CUBN: variants seen among roughly 807,000 people sequenced by gnomAD.
The protein encoded by CUBN is cubilin.
A neutral mutation model predicts 405.3 loss-of-function variants in CUBN; 282 were observed. The observed-to-expected ratio is 0.70, with a 90% CI of 0.63 to 0.77. The LOEUF is 0.77. Among genes scored for constraint, CUBN ranks in the 30% least tolerant of loss-of-function variants. CUBN has a pLI of 0.00. For missense variants in CUBN, 4,514 were observed against 4,475.2 expected (o/e 1.01, Z -0.25); for synonymous variants, 1,684 against 1,617.0 (o/e 1.04, Z -0.99).
chr10:17,087,399 C>G (rs1836136061), intron 15 of CUBN, among the ~76,000 whole-genome samples: 1 of 151,060 alleles, frequency 6.6e-6, no homozygotes. Flanking sequence ...GATACCTCTC[C>G]TCTCAGTAAT....
Position 17,114,022 on chromosome 10 carries a change from T to G in CUBN, c.883+5A>C, listed in dbSNP as rs776443693. 1.2e-6 allele frequency: 2 copies of G among 1,611,956 alleles called. No individual in the cohort carries two copies. The highest frequency in any genetic ancestry group is 2.2e-5 in the South Asian group (2 of 90,444). On this transcript the variant is annotated splice_donor_5th_base_variant and intron_variant, in intron 8 of 66. Transcript: ENST00000377833. The stretch of plus-strand genomic sequence containing the variant: ...AGAGCCTGGCTTGTGGCCCTGAGAA[T>G]GTACCTGTTGGACAGGCCCCACAGT...
intron 14 of CUBN, among the ~76,000 whole-genome samples, chr10:17,095,683 G>A (rs539692083): frequency 6.6e-6 from 1 of 152,132 alleles, no homozygotes; most frequent in Non-Finnish European, 1.5e-5. Context: ...ACAATATGGA[G>A]GTTCCTCAAA....
chr10:16,873,314 G>A (rs1176823097), intron 58 of CUBN, among the ~76,000 whole-genome samples: 1 of 152,120 alleles, frequency 6.6e-6, no homozygotes, highest in African/African-American at 2.4e-5. Context: ...GTCTTGTTGG[G>A]AATAGGTAAG....
chr10:16,824,548 T>A lies in CUBN; in HGVS notation c.*427A>T, dbSNP rs1230906045. The A allele has an allele frequency of 1.2e-5, 2 of 163,310 alleles. No homozygotes were observed. Among genetic ancestry groups the A allele is most frequent in the Admixed American group, 1.2e-4 (2 of 16,958 alleles). The allele number at this position is 163,310 out of a possible 1,614,324, so 10.1% of individuals were successfully genotyped here. On this transcript the variant is annotated 3_prime_UTR_variant, in exon 67 of 67. Coordinates refer to ENST00000377833, the MANE Select transcript of CUBN (RefSeq NM_001081.4). ...TGTTTCTTTTTTTTTTGAGATGGAGTCTTGCCGTCTCGCCCAGGCTGGAGT... is the reference window on the plus strand; with the variant it reads ...TGTTTCTTTTTTTTTTGAGATGGAGACTTGCCGTCTCGCCCAGGCTGGAGT...
At chr10:17,019,802 C>T in intron 28 of CUBN, 31 bp downstream of exon 28, 1 of 1,613,902 alleles carries the variant, frequency 6.2e-7, no homozygotes, top group Non-Finnish European at 8.5e-7. Context: ...ATAGCAACTG[C>T]AAATACAACT....
At chr10:16,992,797 A>ATT (rs1456217926) in intron 28 of CUBN, among the ~76,000 whole-genome samples, 1 of 152,180 alleles carries the variant, frequency 6.6e-6, no homozygotes, top group African/African-American at 2.4e-5. Flanking sequence ...TCCGGCTTTT[A>ATT]TTTCTAAAGC....
chr10:17,075,768 C>A (rs911878899), intron 17 of CUBN, among the ~76,000 whole-genome samples: 7 of 152,178 alleles, frequency 4.6e-5, no homozygotes, highest in African/African-American at 1.7e-4. Flanking sequence ...ACACAAATTT[C>A]ACATATTGTA....
intron 17 of CUBN, among the ~76,000 whole-genome samples, chr10:17,076,087 T>C (rs751594106): frequency 2.0e-5 from 3 of 152,062 alleles, no homozygotes; most frequent in African/African-American, 4.8e-5. Flanking sequence ...CATTAGAAGA[T>C]GACAAGAAGG....
intron 31 of CUBN, among the ~76,000 whole-genome samples, chr10:16,962,219 C>T (rs951883051): frequency 8.6e-5 from 13 of 152,046 alleles, no homozygotes; most frequent in African/African-American, 3.1e-4. Flanking sequence ...AGATACAATA[C>T]TTAGGAGAGT....
chr10:17,115,520 C>T lies in CUBN; in HGVS notation c.671G>A (p.Arg224His), dbSNP rs139891639. Residue 224 changes from arginine (R) to histidine (H), a missense_variant, in exon 7 of 67, where the codon CGC (arginine) becomes CAC (histidine). Transcript: ENST00000377833. ...ATCCTCACAGATGCCATGGACACAG[C>T]GTGCCACAGAACCCCCTTCACAGTC... ...YDDCEGGSVARCVHGICEDLM... is the reference protein window; with the variant it reads ...YDDCEGGSVAHCVHGICEDLM... The T allele has an allele frequency of 5.7e-5, 92 of 1,614,112 alleles. No homozygotes were observed. In the African/African-American group the frequency reaches 1.1e-3, roughly 19 times the overall value.
chr10:17,030,319 C>T (rs1464292916), intron 27 of CUBN, among the ~76,000 whole-genome samples: 1 of 146,326 alleles, frequency 6.8e-6, no homozygotes, highest in African/African-American at 2.5e-5. Context: ...AACTGTCTTC[C>T]ACAAAAACAG....
chr10:17,055,120 G>T (rs771766671), intron 22 of CUBN, among the ~76,000 whole-genome samples: 1 of 152,004 alleles, frequency 6.6e-6, no homozygotes, highest in African/African-American at 2.4e-5. Context: ...CACAAGATTG[G>T]TTTGACAGTA....
At chr10:16,995,718 G>C (rs928458082) in intron 28 of CUBN, among the ~76,000 whole-genome samples, 1 of 152,128 alleles carries the variant, frequency 6.6e-6, no homozygotes, top group Non-Finnish European at 1.5e-5. Context: ...AAGCTATCAT[G>C]AATAGCTAGA....
At chr10:16,901,602 C>A (rs1025552473) in intron 51 of CUBN, 143 bp from the exon 52 acceptor site, 19 of 1,145,006 alleles carry the variant, frequency 1.7e-5, no homozygotes, top group Non-Finnish European at 2.4e-5. Context: ...GCCAGTAATA[C>A]CAGCACTTTG....
At chr10:16,968,615 C>T (rs528517919) in intron 31 of CUBN, among the ~76,000 whole-genome samples, 24 of 152,346 alleles carry the variant, frequency 1.6e-4, no homozygotes, top group South Asian at 4.1e-4. Context: ...TGCTGCTGAA[C>T]GGACTTTCCT....
intron 27 of CUBN, among the ~76,000 whole-genome samples, chr10:17,038,678 T>G (rs1834949763): frequency 6.6e-6 from 1 of 152,202 alleles, no homozygotes; most frequent in Non-Finnish European, 1.5e-5. Context: ...GCTAGATTTC[T>G]GTGTGTGTGA....
intron 6 of CUBN, among the ~76,000 whole-genome samples, chr10:17,119,222 T>G (rs138321340): frequency 2.0e-4 from 31 of 152,304 alleles, no homozygotes; most frequent in South Asian, 1.7e-3. Flanking sequence ...GAAATAAAAT[T>G]TACTAATCAT....
At chr10:17,087,106 T>C (rs1374259164) in intron 15 of CUBN, among the ~76,000 whole-genome samples, 1 of 151,064 alleles carries the variant, frequency 6.6e-6, no homozygotes, top group African/African-American at 2.4e-5. Flanking sequence ...TGACACCACA[T>C]CCTTCTATCC....
chr10:16,970,299 T>A (rs773364759), intron 31 of CUBN, among the ~76,000 whole-genome samples: 1 of 152,234 alleles, frequency 6.6e-6, no homozygotes. Flanking sequence ...GCACGGTGGC[T>A]CACGCCTATA....
Sources: gnomAD v4.1 joint callset for allele counts (sites outside exome capture counted in the v4.1 genomes callset) on GRCh38, gnomAD v4.1.1 for gene constraint, MANE v1.5 for transcripts, NCBI Gene and HGNC (gene_info 2026-07-23, HGNC 2026-07-21) for gene names.